SMYD3: variants seen among roughly 807,000 people sequenced by gnomAD.
The protein encoded by SMYD3 is histone-lysine N-methyltransferase SMYD3.
Under a neutral mutation model 57.7 loss-of-function variants are expected in SMYD3, and 36 were observed. That is an observed-to-expected ratio of 0.62 (90% CI 0.48 to 0.82). SMYD3 has a LOEUF of 0.82. SMYD3 is among the 40% of genes least tolerant of loss of function. SMYD3 has a pLI of 0.00. For synonymous variants in SMYD3, 211 were observed against 195.0 expected, an observed-to-expected ratio of 1.08 and a Z score of -0.68; for missense variants, 515 against 538.8, an observed-to-expected ratio of 0.96 and a Z score of 0.44.
At chr1:245,916,736 C>A (rs2055452925) in intron 7 of SMYD3, among the ~76,000 whole-genome samples, 1 of 152,152 alleles carries the variant, frequency 6.6e-6, no homozygotes, top group African/African-American at 2.4e-5. Context: ...CTCTCTGATT[C>A]TTTCTCCAGG....
intron 1 of SMYD3, among the ~76,000 whole-genome samples, chr1:246,357,820 C>A (rs2065930510): frequency 6.6e-6 from 1 of 152,156 alleles, no homozygotes; most frequent in African/African-American, 2.4e-5. Context: ...AACTCTAAAT[C>A]TTGAAACAAA....
Position 246,221,178 on chromosome 1 carries a change from G to C in SMYD3, c.531+106023C>G, listed in dbSNP as rs374447434. Among the ~76,000 whole-genome samples, 6 of 152,016 alleles carry C rather than the reference G, an allele frequency of 3.9e-5. No individual in the cohort carries two copies. In the East Asian group the frequency reaches 1.2e-3, roughly 29 times the overall value. On this transcript the variant is annotated intron_variant, in intron 5 of 11. Transcript: ENST00000490107. ...CTCTGCTGAGAACTGAACACTCGTTGGGATGACCTACCAGCAGAGGGGAGC... is the reference window on the plus strand; with the variant it reads ...CTCTGCTGAGAACTGAACACTCGTTCGGATGACCTACCAGCAGAGGGGAGC...
intron 5 of SMYD3, among the ~76,000 whole-genome samples, chr1:246,132,909 AT>A (rs888300819): frequency 7.9e-5 from 12 of 152,164 alleles, no homozygotes; most frequent in African/African-American, 2.9e-4. Context: ...CATTAGGGAA[AT>A]GCATATTGAA....
In SMYD3 at chr1:246,491,220, G is replaced by A. The variant is rs146243771; in HGVS notation, c.164+15834C>T. The stretch of plus-strand genomic sequence containing the variant: ...GCCAGAGTTGGGCCAGATTAGAAAG[G>A]ACCACTAGTTATGCTTGATGAAATA... On this transcript the variant is annotated intron_variant, in intron 1 of 11. Transcript: ENST00000490107. 2.0e-5 allele frequency among the ~76,000 whole-genome samples: 3 copies of A among 152,202 alleles called. No individual in the cohort carries two copies. In the East Asian group the frequency reaches 5.8e-4, roughly 29 times the overall value.
At chr1:246,351,161 A>G (rs2065816408) in intron 2 of SMYD3, among the ~76,000 whole-genome samples, 1 of 152,226 alleles carries the variant, frequency 6.6e-6, no homozygotes, top group Non-Finnish European at 1.5e-5. Context: ...AATACGATTC[A>G]CATTTTTAAA....
At chr1:245,891,932 G>C (rs180978037) in intron 8 of SMYD3, among the ~76,000 whole-genome samples, 68 of 152,284 alleles carry the variant, frequency 4.5e-4, no homozygotes, top group African/African-American at 1.5e-3. Context: ...TGTAGCCCCA[G>C]CTACTGAGGA....
intron 5 of SMYD3, among the ~76,000 whole-genome samples, chr1:246,049,463 A>AT (rs35899131): frequency 0.014 from 2,071 of 142,860 alleles, 36 homozygotes; most frequent in African/African-American, 0.046. Context: ...CGCCTGGCTA[A>AT]TTTTTTTTTT....
chr1:246,081,456 G>T (rs1421806780), intron 5 of SMYD3, among the ~76,000 whole-genome samples: 3 of 152,000 alleles, frequency 2.0e-5, no homozygotes, highest in African/African-American at 7.3e-5. Context: ...GCAGTGGTGT[G>T]ATCTTTGCTC....
intron 1 of SMYD3, among the ~76,000 whole-genome samples, chr1:246,478,149 A>G (rs922185379): frequency 6.6e-6 from 1 of 152,240 alleles, no homozygotes; most frequent in African/African-American, 2.4e-5. Flanking sequence ...GATCAAGACT[A>G]AAGACCAAAA....
rs557500237 is a variant in SMYD3, at chr1:245,964,796, T to TAAAA, written c.532-34863_532-34860dup. 6.2e-3 allele frequency among the ~76,000 whole-genome samples: 810 copies of TAAAA among 131,346 alleles called. 4 individuals are homozygous for TAAAA. The highest frequency in any genetic ancestry group is 0.015 in the African/African-American group (542 of 36,104). The allele number at this position is 131,346 out of a possible 152,430, so 86.2% of individuals were successfully genotyped here. On this transcript the variant is annotated intron_variant, in intron 5 of 11. Transcript: ENST00000490107. ...GAAAAAGCAAAGAGAACAAAGATTG[T>TAAAA]AAAAAAAAAAAAAGAATATCCAAGA...
chr1:245,808,473 C>A (rs180731083), intron 10 of SMYD3, among the ~76,000 whole-genome samples: 1 of 152,202 alleles, frequency 6.6e-6, no homozygotes, highest in Non-Finnish European at 1.5e-5. Context: ...AGGAAATAAG[C>A]GTAGCCTCCA....
At chr1:246,488,915 T>C (rs1326395489) in intron 1 of SMYD3, among the ~76,000 whole-genome samples, 1 of 152,118 alleles carries the variant, frequency 6.6e-6, no homozygotes, top group Non-Finnish European at 1.5e-5. Context: ...TTGGCAAGAA[T>C]GTAGATTCTG....
intron 5 of SMYD3, among the ~76,000 whole-genome samples, chr1:246,037,060 G>T (rs1362251928): frequency 6.6e-6 from 1 of 151,936 alleles, no homozygotes; most frequent in African/African-American, 2.4e-5. Flanking sequence ...AGACATTTAG[G>T]TTATCTCCAT....
chr1:246,251,157 G>A (rs2063792195), intron 5 of SMYD3, among the ~76,000 whole-genome samples: 1 of 152,140 alleles, frequency 6.6e-6, no homozygotes, highest in Non-Finnish European at 1.5e-5. Context: ...GATTTGACTG[G>A]GTGAAAAAGT....
intron 5 of SMYD3, among the ~76,000 whole-genome samples, chr1:246,209,481 A>G (rs2148388760): frequency 6.6e-6 from 1 of 152,322 alleles, no homozygotes; most frequent in Non-Finnish European, 1.5e-5. Context: ...AGAAGACTGT[A>G]TAAGCAAAAA....
In SMYD3 at chr1:246,327,348, G is replaced by C. The variant is rs1449590835; in HGVS notation, c.395-11C>G. Reference sequence around the variant, plus strand: ...TCAGTTTGTTAATATCTTTTTTAAAGAGAAAATAAATAGCACAATCTCAAA... The same window carrying C: ...TCAGTTTGTTAATATCTTTTTTAAACAGAAAATAAATAGCACAATCTCAAA... On this transcript the variant is annotated splice_polypyrimidine_tract_variant and intron_variant, in intron 4 of 11. Coordinates refer to ENST00000490107, the MANE Select transcript of SMYD3 (RefSeq NM_001167740.2). The C allele has an allele frequency of 1.2e-6, 2 of 1,605,242 alleles. No individual in the cohort carries two copies. Among genetic ancestry groups the C allele is most frequent in the African/African-American group, 2.7e-5 (2 of 74,220 alleles).
At chr1:246,131,586 G>A (rs996856710) in intron 5 of SMYD3, among the ~76,000 whole-genome samples, 1 of 152,198 alleles carries the variant, frequency 6.6e-6, no homozygotes, top group Non-Finnish European at 1.5e-5. Flanking sequence ...CCAACACTGT[G>A]CGGGGCACAT....
At chr1:245,976,974 TCCGGC>T (rs2058450851) in intron 5 of SMYD3, among the ~76,000 whole-genome samples, 1 of 45,346 alleles carries the variant, frequency 2.2e-5, no homozygotes, top group Non-Finnish European at 4.7e-5. Context: ...AGCCATCGTC[TCCGGC>T]CCAGGGAAAG....
chr1:245,757,524 C>A (rs1572253157), intron 11 of SMYD3, among the ~76,000 whole-genome samples: 1 of 152,150 alleles, frequency 6.6e-6, no homozygotes, highest in East Asian at 1.9e-4. Flanking sequence ...AGGCTTTTTC[C>A]TTAATGTGTT....
Sources: allele counts gnomAD v4.1 joint callset (sites outside exome capture counted in the v4.1 genomes callset), GRCh38; gene constraint gnomAD v4.1.1; transcripts MANE v1.5; gene names NCBI Gene and HGNC (gene_info 2026-07-23, HGNC 2026-07-21).